Variants in RALGAPA2 observed in about 807,000 individuals in gnomAD.
RALGAPA2 encodes ral GTPase-activating protein subunit alpha-2.
RALGAPA2 carries 139 observed loss-of-function variants against 230.4 expected under a neutral mutation model. That is an observed-to-expected ratio of 0.60 (90% CI 0.53 to 0.69). The LOEUF (loss-of-function observed/expected upper bound fraction) is 0.69, where lower values mean the gene tolerates loss of function less well. Ranked by LOEUF, RALGAPA2 falls within the 30% of genes least tolerant of loss-of-function variation. The pLI is 0.00. For missense variants in RALGAPA2, 2,163 were observed against 2,276.0 expected, an observed-to-expected ratio of 0.95 and a Z score of 1.01; for synonymous variants, 847 against 837.8, an observed-to-expected ratio of 1.01 and a Z score of -0.19.
intron 36 of RALGAPA2, among the ~76,000 whole-genome samples, chr20:20,488,553 C>T (rs2061972038): frequency 6.6e-6 from 1 of 152,222 alleles, no homozygotes; most frequent in Non-Finnish European, 1.5e-5. Flanking sequence ...TTTCAATTCT[C>T]TGATGAATCT....
chr20:20,418,957 C>T (rs931962603), intron 37 of RALGAPA2, among the ~76,000 whole-genome samples: 1 of 152,168 alleles, frequency 6.6e-6, no homozygotes, highest in African/African-American at 2.4e-5. Context: ...CTAGGCTGGT[C>T]TTGAACTCCT....
chr20:20,604,943 C>A (rs2065773264), intron 15 of RALGAPA2, among the ~76,000 whole-genome samples: 1 of 152,182 alleles, frequency 6.6e-6, no homozygotes, highest in African/African-American at 2.4e-5. Context: ...GTTATCACTA[C>A]TATTACTACT....
intron 14 of RALGAPA2, among the ~76,000 whole-genome samples, chr20:20,606,668 C>A (rs748548308): frequency 6.6e-6 from 1 of 152,080 alleles, no homozygotes; most frequent in Non-Finnish European, 1.5e-5. Flanking sequence ...AGGAAGTGTC[C>A]TCCAGGTCCC....
intron 19 of RALGAPA2, among the ~76,000 whole-genome samples, chr20:20,583,865 C>T (rs565164349): frequency 4.6e-5 from 7 of 152,308 alleles, no homozygotes; most frequent in South Asian, 2.1e-4. Flanking sequence ...TCAGAGTCTC[C>T]TGTCTACTTC....
chr20:20,634,720 CA>C (rs1339304515), intron 9 of RALGAPA2, among the ~76,000 whole-genome samples: 1 of 152,210 alleles, frequency 6.6e-6, no homozygotes, highest in African/African-American at 2.4e-5. Flanking sequence ...CAAAAGAGCA[CA>C]CAACACCATG....
chr20:20,608,956 C>CA (rs2065901449), intron 14 of RALGAPA2, among the ~76,000 whole-genome samples: 1 of 152,118 alleles, frequency 6.6e-6, no homozygotes, highest in African/African-American at 2.4e-5. Context: ...TGCCTAATGC[C>CA]AAAAAGCTCA....
At chr20:20,567,299 G>T (rs1286969176) in intron 23 of RALGAPA2, among the ~76,000 whole-genome samples, 1 of 152,082 alleles carries the variant, frequency 6.6e-6, no homozygotes, top group Non-Finnish European at 1.5e-5. Context: ...CAAATCATAG[G>T]TTCTTTCATG....
At chr20:20,462,913 G>A (rs1209326513) in intron 37 of RALGAPA2, among the ~76,000 whole-genome samples, 3 of 152,190 alleles carry the variant, frequency 2.0e-5, no homozygotes, top group Admixed American at 2.0e-4. Flanking sequence ...TAATCCCAGA[G>A]TCCACTAAAC....
intron 14 of RALGAPA2, among the ~76,000 whole-genome samples, chr20:20,610,924 T>C (rs966775484): frequency 2.0e-5 from 3 of 152,170 alleles, no homozygotes; most frequent in Non-Finnish European, 2.9e-5. Context: ...CCTGTGGACA[T>C]TGTCCTCTCT....
At chr20:20,429,021 A>G (rs1364419863) in intron 37 of RALGAPA2, among the ~76,000 whole-genome samples, 1 of 152,168 alleles carries the variant, frequency 6.6e-6, no homozygotes, top group East Asian at 1.9e-4. Flanking sequence ...CACTTAGAAT[A>G]AAAGAGACAA....
intron 15 of RALGAPA2, among the ~76,000 whole-genome samples, chr20:20,602,887 T>C (rs2065701668): frequency 1.3e-5 from 2 of 151,890 alleles, no homozygotes; most frequent in Admixed American, 1.3e-4. Flanking sequence ...ATTACAACAA[T>C]TGAAGGTAGG....
At chr20:20,517,544 A>G (rs968637234) in intron 31 of RALGAPA2, among the ~76,000 whole-genome samples, 2 of 152,232 alleles carry the variant, frequency 1.3e-5, no homozygotes, top group Non-Finnish European at 2.9e-5. Context: ...ATACTGGGGA[A>G]AAATTAAACA....
At chr20:20,600,961 G>A (rs565144379) in intron 16 of RALGAPA2, among the ~76,000 whole-genome samples, 10 of 152,068 alleles carry the variant, frequency 6.6e-5, no homozygotes, top group African/African-American at 2.2e-4. Flanking sequence ...TTAGCCGGGC[G>A]TCGTGGCACG....
chr20:20,569,193 T>G (rs1480100934), intron 23 of RALGAPA2, among the ~76,000 whole-genome samples: 3 of 152,176 alleles, frequency 2.0e-5, no homozygotes, highest in Non-Finnish European at 4.4e-5. Context: ...ACCAGAGACA[T>G]TTCTTAACTT....
chr20:20,446,126 T>C (rs1432457646), intron 37 of RALGAPA2, among the ~76,000 whole-genome samples: 2 of 152,152 alleles, frequency 1.3e-5, no homozygotes, highest in South Asian at 2.1e-4. Context: ...ATGTTCTTCA[T>C]AGAAACCCAA....
chr20:20,433,143 C>T (rs2060533642), intron 37 of RALGAPA2, among the ~76,000 whole-genome samples: 1 of 152,178 alleles, frequency 6.6e-6, no homozygotes, highest in Non-Finnish European at 1.5e-5. Flanking sequence ...ATTATCAGTC[C>T]TACTATGTGC....
intron 4 of RALGAPA2, among the ~76,000 whole-genome samples, chr20:20,646,244 G>A (rs1603187561): frequency 6.6e-6 from 1 of 152,086 alleles, no homozygotes; most frequent in African/African-American, 2.4e-5. Context: ...TAGTAGACAT[G>A]GGGTTTCACC....
chr20:20,556,530 G>A (rs184277686), intron 23 of RALGAPA2, among the ~76,000 whole-genome samples: 59 of 152,186 alleles, frequency 3.9e-4, no homozygotes, highest in African/African-American at 1.0e-3. Flanking sequence ...TCATGACACC[G>A]ATAAGCTTCA....
At chr20:20,643,414 A>C in intron 5 of RALGAPA2, 92 bp downstream of exon 5, 2 of 1,199,304 alleles carry the variant, frequency 1.7e-6, no homozygotes, top group Non-Finnish European at 2.3e-6. Flanking sequence ...GTTTCTAAAG[A>C]TCTTTTTTCC....
Sources: gnomAD v4.1 joint callset for allele counts (sites outside exome capture counted in the v4.1 genomes callset) on GRCh38, gnomAD v4.1.1 for gene constraint, MANE v1.5 for transcripts, NCBI Gene and HGNC (gene_info 2026-07-23, HGNC 2026-07-21) for gene names.